The following SDK1 variants were observed in gnomAD, a reference collection of about 807,000 sequenced individuals.
The protein encoded by SDK1 is protein sidekick-1.
A neutral mutation model predicts 245.5 loss-of-function variants in SDK1; 157 were observed. The observed-to-expected ratio is 0.64, with a 90% CI of 0.56 to 0.73. SDK1 has a LOEUF of 0.73. Among genes scored for constraint, SDK1 ranks in the 30% least tolerant of loss-of-function variants. The pLI is 0.00. For synonymous variants in SDK1, 1,647 were observed against 1,278.5 expected, an observed-to-expected ratio of 1.29 and a Z score of -6.15; for missense variants, 3,583 against 3,002.3, an observed-to-expected ratio of 1.19 and a Z score of -4.52.
intron 5 of SDK1, among the ~76,000 whole-genome samples, chr7:3,859,436 GT>G (rs946699367): frequency 3.3e-5 from 5 of 150,616 alleles, no homozygotes; most frequent in African/African-American, 9.8e-5. Flanking sequence ...GCTGGTTTTG[GT>G]TTTTTTTTCA....
At chr7:3,792,805 G>C (rs1189243266) in intron 4 of SDK1, among the ~76,000 whole-genome samples, 1 of 151,972 alleles carries the variant, frequency 6.6e-6, no homozygotes, top group African/African-American at 2.4e-5. Context: ...TTGCTTCTCT[G>C]TACCTCTCAC....
chr7:3,779,873 A>G (rs1266155149), intron 4 of SDK1, among the ~76,000 whole-genome samples: 1 of 148,020 alleles, frequency 6.8e-6, no homozygotes, highest in Non-Finnish European at 1.5e-5. Flanking sequence ...CGGAGCTTGC[A>G]GTGAGCCGAG....
At chr7:3,522,540 C>T (rs889003299) in intron 1 of SDK1, among the ~76,000 whole-genome samples, 4 of 151,822 alleles carry the variant, frequency 2.6e-5, no homozygotes, top group Non-Finnish European at 2.9e-5. Flanking sequence ...CTTGGGTGCC[C>T]CTTCAGCTTA....
At chr7:3,973,251 G>A (rs1050814587) in intron 12 of SDK1, among the ~76,000 whole-genome samples, 1 of 152,156 alleles carries the variant, frequency 6.6e-6, no homozygotes, top group African/African-American at 2.4e-5. Context: ...AATCAGCCCT[G>A]TTCTATCTCA....
chr7:3,813,716 A>G (rs1327573199), intron 4 of SDK1, among the ~76,000 whole-genome samples: 4 of 122,058 alleles, frequency 3.3e-5, no homozygotes, highest in East Asian at 2.2e-4. Flanking sequence ...GAACTAGTTT[A>G]CAGTCCCACC....
At chr7:3,764,100 G>A (rs777316515) in intron 4 of SDK1, among the ~76,000 whole-genome samples, 23 of 152,280 alleles carry the variant, frequency 1.5e-4, no homozygotes, top group Admixed American at 9.1e-4. Context: ...GCTATGAGTA[G>A]TATTGTTATA....
intron 1 of SDK1, among the ~76,000 whole-genome samples, chr7:3,443,255 C>T (rs1329583352): frequency 1.3e-5 from 2 of 152,054 alleles, no homozygotes; most frequent in Non-Finnish European, 2.9e-5. Flanking sequence ...TATTTAGCTA[C>T]AAGAACTATG....
chr7:3,576,588 G>T (rs1041312705), intron 1 of SDK1, among the ~76,000 whole-genome samples: 10 of 152,042 alleles, frequency 6.6e-5, no homozygotes, highest in African/African-American at 2.4e-4. Flanking sequence ...AAATCTGCCA[G>T]TATCTTTAAT....
chr7:3,831,171 G>A (rs73036424), intron 5 of SDK1, among the ~76,000 whole-genome samples: 2,466 of 152,266 alleles, frequency 0.016, 29 homozygotes, highest in Non-Finnish European at 0.027. Flanking sequence ...AAAATCCTAA[G>A]CAAAGTGATG....
chr7:4,168,567 A>T (rs1781639448), intron 32 of SDK1, among the ~76,000 whole-genome samples: 2 of 152,096 alleles, frequency 1.3e-5, no homozygotes, highest in Non-Finnish European at 2.9e-5. Flanking sequence ...GTTTTGGTGA[A>T]TTGAATCCAG....
intron 4 of SDK1, among the ~76,000 whole-genome samples, chr7:3,736,603 A>C (rs1025949763): frequency 5.3e-5 from 8 of 152,246 alleles, no homozygotes; most frequent in Admixed American, 3.3e-4. Flanking sequence ...TGCTATCCCC[A>C]GTTTAATTCC....
chr7:3,695,455 T>C (rs897286577), intron 4 of SDK1, among the ~76,000 whole-genome samples: 1 of 152,208 alleles, frequency 6.6e-6, no homozygotes, highest in African/African-American at 2.4e-5. Context: ...CTTACATATG[T>C]TTTTTGTTAT....
chr7:4,205,012 G>A lies in SDK1; in HGVS notation c.5099-867G>A, dbSNP rs549497332. 5.6e-4 allele frequency among the ~76,000 whole-genome samples: 85 copies of A among 152,036 alleles called. 3 individuals carry two copies. Among genetic ancestry groups the A allele is most frequent in the Admixed American group, 5.2e-3 (80 of 15,286 alleles). ...CCCTAATGGCGGTGTGGTAAGGCGC[G>A]GAGGTGCGGCCGCAACATCCTCATG... On this transcript the variant is annotated intron_variant, in intron 35 of 44. Coordinates refer to ENST00000404826, the MANE Select transcript of SDK1 (RefSeq NM_152744.4).
intron 4 of SDK1, among the ~76,000 whole-genome samples, chr7:3,694,262 A>T (rs1784511947): frequency 6.6e-6 from 1 of 152,182 alleles, no homozygotes; most frequent in African/African-American, 2.4e-5. Context: ...AGAAAGGCGA[A>T]TCTAAGAGAT....
chr7:4,178,369 C>T (rs1782375283), intron 34 of SDK1, 116 bp from the exon 35 acceptor site: 1 of 764,104 alleles, frequency 1.3e-6, no homozygotes, highest in South Asian at 1.6e-5. Context: ...TTCTAACAAT[C>T]CCGCCTCCTC....
At chr7:3,478,713 C>G (rs917402211) in intron 1 of SDK1, among the ~76,000 whole-genome samples, 7 of 151,776 alleles carry the variant, frequency 4.6e-5, no homozygotes, top group Admixed American at 4.6e-4. Flanking sequence ...TTATTATTTC[C>G]TTGATTCTAC....
At chr7:3,541,543 A>G (rs143402594) in intron 1 of SDK1, among the ~76,000 whole-genome samples, 1 of 152,334 alleles carries the variant, frequency 6.6e-6, no homozygotes, top group Non-Finnish European at 1.5e-5. Flanking sequence ...GTCCTTCTGT[A>G]GAGATCCCTA....
At chr7:4,225,817 A>C (rs1785407944) in intron 40 of SDK1, among the ~76,000 whole-genome samples, 1 of 152,084 alleles carries the variant, frequency 6.6e-6, no homozygotes, top group Admixed American at 6.6e-5. Flanking sequence ...CAGACTTATC[A>C]AGAAGACCCC....
At chr7:3,874,292 G>C (rs532933724) in intron 5 of SDK1, among the ~76,000 whole-genome samples, 1 of 152,280 alleles carries the variant, frequency 6.6e-6, no homozygotes, top group Admixed American at 6.5e-5. Context: ...TTTGTCTTTT[G>C]AGTTTCCCTG....
Sources: gnomAD v4.1 joint callset for allele counts (sites outside exome capture counted in the v4.1 genomes callset) on GRCh38, gnomAD v4.1.1 for gene constraint, MANE v1.5 for transcripts, NCBI Gene and HGNC (gene_info 2026-07-23, HGNC 2026-07-21) for gene names.